The following CACNA1I variants were observed in gnomAD, a reference collection of about 807,000 sequenced individuals.
CACNA1I encodes the protein voltage-dependent T-type calcium channel subunit alpha-1I.
CACNA1I carries 74 observed loss-of-function variants against 201.6 expected under a neutral mutation model. The ratio of observed to expected loss-of-function variants is 0.37; its 90% CI spans 0.30 to 0.45. CACNA1I has a LOEUF of 0.45. CACNA1I is among the 20% of genes least tolerant of loss of function. The probability of loss-of-function intolerance (pLI) is 1.00; values close to 1 mark genes in which losing one functional copy is unlikely to be tolerated. For synonymous variants in CACNA1I, 1,431 were observed against 1,345.2 expected (o/e 1.06, Z -1.40); for missense variants, 2,346 against 3,138.1 (o/e 0.75, Z 6.03).
intron 1 of CACNA1I, among the ~76,000 whole-genome samples, chr22:39,573,146 G>T (rs76998503): frequency 6.6e-6 from 1 of 152,124 alleles, no homozygotes; most frequent in African/African-American, 2.4e-5. Context: ...GGGGGCGGCC[G>T]CAGGAATTTT....
At chr22:39,672,408 A>G in intron 27 of CACNA1I, 100 bp downstream of exon 27, 1 of 793,514 alleles carries the variant, frequency 1.3e-6, no homozygotes. Flanking sequence ...GAAGAGGGGA[A>G]CCAGTAAGCA....
At chr22:39,621,264 T>C (rs1569066195) in intron 4 of CACNA1I, among the ~76,000 whole-genome samples, 1 of 152,242 alleles carries the variant, frequency 6.6e-6, no homozygotes, top group Non-Finnish European at 1.5e-5. Context: ...CTTGCTTCTC[T>C]TCCCTGCCTG....
chr22:39,576,377 G>A (rs1025295834), intron 1 of CACNA1I, among the ~76,000 whole-genome samples: 3 of 152,236 alleles, frequency 2.0e-5, no homozygotes, highest in African/African-American at 4.8e-5. Flanking sequence ...AGCTCAAAGA[G>A]GTTGAGTCAC....
chr22:39,579,172 C>G (rs1932466182), intron 1 of CACNA1I, among the ~76,000 whole-genome samples: 1 of 152,232 alleles, frequency 6.6e-6, no homozygotes, highest in African/African-American at 2.4e-5. Context: ...CGCTGCCAAG[C>G]TTCAGGCACT....
At chr22:39,587,092 C>T (rs1932762382) in intron 1 of CACNA1I, among the ~76,000 whole-genome samples, 1 of 152,182 alleles carries the variant, frequency 6.6e-6, no homozygotes, top group Non-Finnish European at 1.5e-5. Flanking sequence ...ACCTTGGCTT[C>T]TCATCCCAGC....
Position 39,677,607 on chromosome 22 carries a change from T to C in CACNA1I, c.4933+188T>C, listed in dbSNP as rs1935552872. Among the ~76,000 whole-genome samples the C allele has an allele frequency of 6.6e-6, 1 of 152,150 alleles. No homozygotes were observed. Among genetic ancestry groups the C allele is most frequent in the Non-Finnish European group, 1.5e-5 (1 of 68,018 alleles). On this transcript the variant is annotated intron_variant, in intron 30 of 36. Coordinates refer to ENST00000402142, the MANE Select transcript of CACNA1I (RefSeq NM_021096.4). This position sits in a 1 kb window ranked among gnomAD's most constrained non-coding sequence, Gnocchi z 4.8. ...ACTGCCCTCCCTACCCCGGTGTTGG[T>C]GCCTGTCCTGAGCCAGCGCCACCCC...
chr22:39,583,652 C>A (rs76508706), intron 1 of CACNA1I, among the ~76,000 whole-genome samples: 2,268 of 152,312 alleles, frequency 0.015, 59 homozygotes, highest in African/African-American at 0.053. Flanking sequence ...CTCATCTATC[C>A]ATTCATTTGT....
Position 39,649,787 on chromosome 22 carries a change from G to C in CACNA1I, c.1854G>C (p.Ala618=). 6.2e-7 allele frequency: 1 copy of C among 1,610,876 alleles called. No homozygotes were observed. Among genetic ancestry groups the C allele is most frequent in the Non-Finnish European group, 8.5e-7 (1 of 1,178,560 alleles). Residue 618 remains alanine, a synonymous_variant, in exon 10 of 37, where the codon GCG becomes GCC. Coordinates refer to ENST00000402142, the MANE Select transcript of CACNA1I (RefSeq NM_021096.4). The surrounding 1 kb of genome is among the most constrained non-coding windows in gnomAD (Gnocchi z 7.3). The stretch of plus-strand genomic sequence containing the variant: ...AGGAGGAGGAGCAGGCGGATGGGGC[G>C]GTCTGGCTGTGCGGGGATGTGTGGC... The part of the protein sequence containing the change: ...EEEEEEQADG[A]VWLCGDVWRE...
intron 10 of CACNA1I, among the ~76,000 whole-genome samples, chr22:39,657,244 G>T (rs1569084573): frequency 1.3e-5 from 2 of 152,182 alleles, no homozygotes; most frequent in African/African-American, 4.8e-5. Flanking sequence ...AAAACCAGGG[G>T]TAAACAGCTC....
rs1367890134 is a variant in CACNA1I, at chr22:39,673,052, C to T, written c.4753C>T (p.Arg1585Cys). Residue 1585 changes from arginine to cysteine, a missense_variant, in exon 28 of 37, where the codon CGC becomes TGC. Physicochemically the swap from Arg to Cys is radical, Grantham distance 180. This residue lies in a region of CACNA1I where 228 missense variants were observed against 395.7 expected (regional missense o/e 0.58). Transcript: ENST00000402142. Reference sequence around the variant, plus strand: ...CCTGCCCATCAATCCCACCATCATCCGCATCATGAGGGTTCTGCGCATTGC... The same window carrying T: ...CCTGCCCATCAATCCCACCATCATCTGCATCATGAGGGTTCTGCGCATTGC... ...AALPINPTIIRIMRVLRIARV... is the reference protein window; with the variant it reads ...AALPINPTIICIMRVLRIARV... 3.7e-6 allele frequency: 6 copies of T among 1,613,626 alleles called. No homozygotes were observed. The highest frequency in any genetic ancestry group is 5.1e-6 in the Non-Finnish European group (6 of 1,179,752).
At chr22:39,598,049 T>A (rs1004085779) in intron 1 of CACNA1I, 102 bp from the exon 2 acceptor site, 1 of 685,614 alleles carries the variant, frequency 1.5e-6, no homozygotes, top group Admixed American at 2.1e-5. Flanking sequence ...GAATGGGGTG[T>A]ATGCCTGTGT....
Position 39,677,506 on chromosome 22 carries a change from G to A in CACNA1I, c.4933+87G>A. 2 of 897,388 alleles carry A rather than the reference G, an allele frequency of 2.2e-6. No homozygotes were observed. The highest frequency in any genetic ancestry group is 3.3e-6 in the Non-Finnish European group (2 of 602,360). The allele number at this position is 897,388 out of a possible 1,614,324, so 55.6% of individuals were successfully genotyped here. ...GGGGCGGGGGAGGCCTGAGACCCCT[G>A]AGCCCGTCACATCAGGGTCTTTGTA... On this transcript the variant is annotated intron_variant, in intron 30 of 36. Transcript: ENST00000402142. The surrounding 1 kb of genome is among the most constrained non-coding windows in gnomAD (Gnocchi z 4.8).
chr22:39,592,232 GT>G (rs754205002), intron 1 of CACNA1I, among the ~76,000 whole-genome samples: 4 of 152,208 alleles, frequency 2.6e-5, no homozygotes, highest in Non-Finnish European at 5.9e-5. Flanking sequence ...CTCCATCTGT[GT>G]TCCTCAAAGG....
At chr22:39,604,259 C>T (rs925543050) in intron 3 of CACNA1I, among the ~76,000 whole-genome samples, 10 of 152,134 alleles carry the variant, frequency 6.6e-5, no homozygotes, top group Admixed American at 2.6e-4. Context: ...TAAATAAAGA[C>T]GATGAGGCTC....
rs368690693 is a variant in CACNA1I, at chr22:39,662,164, C to T, written c.3101C>T (p.Thr1034Ile). The change falls in exon 17 of 37, where the codon ACC becomes ATC. Residue 1034 changes from threonine to isoleucine, a missense_variant. Physicochemically the swap from Thr to Ile is moderately conservative, Grantham distance 89. This residue lies in a region of CACNA1I where 288 missense variants were observed against 255.2 expected (regional missense o/e 1.13). Transcript: ENST00000402142. Reference sequence around the variant, plus strand: ...CCGCCGCGGGCCGCACCCCTGCACACCCCACACGCCCACCACATTCATCAC... The same window carrying T: ...CCGCCGCGGGCCGCACCCCTGCACATCCCACACGCCCACCACATTCATCAC... The part of the protein sequence containing the change: ...EGPPRAAPLH[T>I]PHAHHIHHGP... The T allele has an allele frequency of 1.3e-6, 2 of 1,531,518 alleles. No homozygotes were observed. Among genetic ancestry groups the T allele is most frequent in the Non-Finnish European group, 1.8e-6 (2 of 1,142,272 alleles). 94.9% of individuals were successfully genotyped at this position (1,531,518 alleles called of 1,614,324 possible). A position where few individuals can be genotyped will look rare whatever the true frequency, so the allele number is the denominator to read the frequency against.
At chr22:39,647,705 C>A (rs1033106902) in intron 8 of CACNA1I, 117 bp from the exon 9 acceptor site, 2 of 726,842 alleles carry the variant, frequency 2.8e-6, no homozygotes, top group Non-Finnish European at 4.8e-6. Flanking sequence ...TGAGCCACCG[C>A]CCCTGGCCAA....
chr22:39,606,790 C>G (rs541163791), intron 3 of CACNA1I, among the ~76,000 whole-genome samples: 13 of 152,382 alleles, frequency 8.5e-5, no homozygotes, highest in Non-Finnish European at 1.6e-4. Context: ...CCTCGGCCTC[C>G]CGAAGTGCTG....
rs780089940 is a variant in CACNA1I, at chr22:39,670,891, C to T, written c.4476C>T (p.Phe1492=). 28 of 1,613,808 alleles carry T rather than the reference C, an allele frequency of 1.7e-5. No individual in the cohort carries two copies. Among genetic ancestry groups the T allele is most frequent in the Non-Finnish European group, 2.3e-5 (27 of 1,179,868 alleles). Residue 1492 remains phenylalanine (F), a synonymous_variant, in exon 26 of 37, where the codon TTC becomes TTT. Coordinates refer to ENST00000402142, the MANE Select transcript of CACNA1I (RefSeq NM_021096.4). ...SMCTSHYLDI[F]ITFIICLNVV... is the part of the protein sequence containing the mutation. Reference sequence around the variant, plus strand: ...GCACCAGCCACTACCTGGACATCTTCATCACCTTCATCATCTGCCTCAACG... The same window carrying T: ...GCACCAGCCACTACCTGGACATCTTTATCACCTTCATCATCTGCCTCAACG...
rs544577704 is a variant in CACNA1I, at chr22:39,649,249, T to C, written c.1568-252T>C. ...CCTGCACCGTGCTGGGCCCATCATGTGCCTTAAGGGAGAGAATCCTCCTAC... is the reference window on the plus strand; with the variant it reads ...CCTGCACCGTGCTGGGCCCATCATGCGCCTTAAGGGAGAGAATCCTCCTAC... On this transcript the variant is annotated intron_variant, in intron 9 of 36. Transcript: ENST00000402142. The surrounding 1 kb of genome is among the most constrained non-coding windows in gnomAD (Gnocchi z 7.3). Among the ~76,000 whole-genome samples the C allele has an allele frequency of 6.6e-6, 1 of 152,312 alleles. No individual in the cohort carries two copies. Among genetic ancestry groups the C allele is most frequent in the South Asian group, 2.1e-4 (1 of 4,832 alleles).
Sources: allele counts gnomAD v4.1 joint callset (sites outside exome capture counted in the v4.1 genomes callset), GRCh38; gene constraint gnomAD v4.1.1; regional missense constraint gnomAD v4.1.1; non-coding constraint Gnocchi (gnomAD v3.1); transcripts MANE v1.5; gene names NCBI Gene and HGNC (gene_info 2026-07-23, HGNC 2026-07-21).